Variants in CTHRC1 observed in about 807,000 individuals in gnomAD.
CTHRC1 encodes the protein collagen triple helix repeat containing 1, also known as collagen triple helix repeat-containing protein 1.
A neutral mutation model predicts 25.9 loss-of-function variants in CTHRC1; 21 were observed. The observed-to-expected ratio is 0.81, with a 90% CI of 0.57 to 1.17. The LOEUF (loss-of-function observed/expected upper bound fraction) is 1.17. Among genes scored for constraint, CTHRC1 ranks in the 50% most tolerant of loss-of-function variants. The pLI, the probability that CTHRC1 is intolerant of heterozygous loss-of-function variation, is 0.00. For synonymous variants in CTHRC1, 109 were observed against 113.1 expected (o/e 0.96, Z 0.23); for missense variants, 281 against 304.3 (o/e 0.92, Z 0.57).
rs184733908 is a variant in CTHRC1 at position 103,374,148 on chromosome 8, G to T, written c.151-1590G>T. Among the ~76,000 whole-genome samples, 22 of 151,888 alleles carry T rather than the reference G, an allele frequency of 1.4e-4. No homozygotes were observed. The East Asian group carries it at 4.3e-3, about 29-fold the overall frequency. ...TTCTTCTTACAGTCAGGAAAATGGC[G>T]ATGTCAAAGACTTAAAAAGTCATTT... is the stretch of plus-strand genomic sequence containing the variant. On this transcript the variant is annotated intron_variant, in intron 1 of 3. Transcript: ENST00000330295.
chr8:103,372,518 G>C (rs772449526), intron 1 of CTHRC1: 2 of 1,598,046 alleles, frequency 1.3e-6, no homozygotes, highest in Admixed American at 3.3e-5. Context: ...AACCAAATGG[G>C]CAGTCTGTCA....
At chr8:103,373,003 A>G (rs1486470992) in intron 1 of CTHRC1, among the ~76,000 whole-genome samples, 1 of 152,216 alleles carries the variant, frequency 6.6e-6, no homozygotes, top group Non-Finnish European at 1.5e-5. Context: ...TAGGCTGTGT[A>G]ATTTTGATCC....
In CTHRC1 at chr8:103,380,413, G is replaced by A. The variant is rs539496084; in HGVS notation, c.590-2045G>A. Among the ~76,000 whole-genome samples the A allele has an allele frequency of 3.3e-5, 5 of 152,254 alleles. No individual in the cohort carries two copies. In the South Asian group the frequency reaches 1.0e-3, roughly 32 times the overall value. On this transcript the variant is annotated intron_variant, in intron 3 of 3. Coordinates refer to ENST00000330295, the MANE Select transcript of CTHRC1 (RefSeq NM_138455.4). ...TTATTGTGGATTAAAAGTTACCTCT[G>A]TAACAGAATCACTTTTTCTGACATA...
Position 103,371,713 on chromosome 8 carries a change from C to A in CTHRC1, c.57C>A (p.Leu19=). The change falls in exon 1 of 4, where the codon CTC becomes CTA. Residue 19 remains leucine, a synonymous_variant. Transcript: ENST00000330295. The part of the protein sequence containing the change: ...SPQRLRGLLL[L]LLLQLPAPSS... ...AGCGGCTCCGCGGCCTCCTGCTGCT[C>A]CTGCTGCTGCAGCTGCCCGCGCCGT... is the stretch of plus-strand genomic sequence containing the variant. 1 of 1,536,662 alleles carries A rather than the reference C, an allele frequency of 6.5e-7. No individual in the cohort carries two copies. The highest frequency in any genetic ancestry group is 8.8e-7 in the Non-Finnish European group (1 of 1,142,134).
intron 1 of CTHRC1, 64 bp downstream of exon 1, chr8:103,371,870 A>G (rs999047290): frequency 3.9e-5 from 55 of 1,424,768 alleles, no homozygotes; most frequent in Non-Finnish European, 4.6e-5. Context: ...CGCGCGCCCC[A>G]CGGGCAGGGC....
rs954322578 is a variant in CTHRC1 at position 103,373,929 on chromosome 8, A to G, written c.151-1809A>G. ...TGAAATGTATGTCTAAACATTGTAT[A>G]TATCTGCTTGTGAGAGTGAATTAAA... On this transcript the variant is annotated intron_variant, in intron 1 of 3. Transcript: ENST00000330295. Among the ~76,000 whole-genome samples the G allele has an allele frequency of 3.5e-4, 53 of 152,116 alleles. 1 individual carries two copies. The highest frequency in any genetic ancestry group is 4.4e-5 in the Non-Finnish European group (3 of 68,030).
At chr8:103,378,361 T>TTTTCTA (rs1815846905) in intron 3 of CTHRC1, 118 bp downstream of exon 3, 1 of 779,228 alleles carries the variant, frequency 1.3e-6, no homozygotes, top group Non-Finnish European at 2.2e-6. Context: ...AAGTTTTCAA[T>TTTTCTA]GCATGATTCT....
In CTHRC1 at chr8:103,381,985, G is replaced by A. The variant is rs888029906; in HGVS notation, c.590-473G>A. 8.6e-5 allele frequency among the ~76,000 whole-genome samples: 13 copies of A among 150,614 alleles called. 1 individual carries two copies. In the East Asian group the frequency reaches 1.4e-3, roughly 16 times the overall value. On this transcript the variant is annotated intron_variant, in intron 3 of 3. Coordinates refer to ENST00000330295, the MANE Select transcript of CTHRC1 (RefSeq NM_138455.4). ...TGCACTCCAGCCTGGGTGACAGAGC[G>A]AGATTCCATCTCAAAAAAAAAAAAA...
chr8:103,372,679 T>G (rs767222709), intron 1 of CTHRC1: 1 of 1,592,748 alleles, frequency 6.3e-7, no homozygotes, highest in Non-Finnish European at 8.5e-7. Flanking sequence ...CTTAAAATCC[T>G]TCCCTCTAAA....
At position 103,371,637 on chromosome 8, in the gene CTHRC1, C is replaced by T. The variant is rs778597808; in HGVS notation, c.-20C>T. On this transcript the variant is annotated 5_prime_UTR_variant, in exon 1 of 4. Coordinates refer to ENST00000330295, the MANE Select transcript of CTHRC1 (RefSeq NM_138455.4). ...GGTCTCCTCCGCCTCCAGCTCCGCG[C>T]TGCCCGGCAGCCGGGAGCCATGCGA... The T allele has an allele frequency of 2.7e-5, 41 of 1,530,000 alleles. 2 individuals carry two copies. In the South Asian group the frequency reaches 4.8e-4, roughly 18 times the overall value. 94.8% of individuals were successfully genotyped at this position (1,530,000 alleles called of 1,614,324 possible).
At chr8:103,374,995 C>A (rs1041253461) in intron 1 of CTHRC1, among the ~76,000 whole-genome samples, 2 of 152,158 alleles carry the variant, frequency 1.3e-5, no homozygotes, top group African/African-American at 4.8e-5. Context: ...TCCTTACAGA[C>A]AGTTTGACAG....
At position 103,371,605 on chromosome 8, in the gene CTHRC1, T is replaced by A; in HGVS notation, c.-52T>A. 1 of 1,520,180 alleles carries A rather than the reference T, an allele frequency of 6.6e-7. No homozygotes were observed. Among genetic ancestry groups the A allele is most frequent in the Non-Finnish European group, 8.8e-7 (1 of 1,135,576 alleles). The allele number at this position is 1,520,180 out of a possible 1,614,324, so 94.2% of individuals were successfully genotyped here. On this transcript the variant is annotated 5_prime_UTR_variant, in exon 1 of 4. Transcript: ENST00000330295. ...CGGAGCCAGACGCTGACCACGTTCC[T>A]CTCCTCGGTCTCCTCCGCCTCCAGC...
chr8:103,378,483 T>C (rs1167998489), intron 3 of CTHRC1, among the ~76,000 whole-genome samples: 3 of 152,204 alleles, frequency 2.0e-5, no homozygotes. Flanking sequence ...GACCACAGCT[T>C]CTGTGTTTTT....
At chr8:103,372,165 G>A (rs1166810109) in intron 1 of CTHRC1, among the ~76,000 whole-genome samples, 1 of 152,170 alleles carries the variant, frequency 6.6e-6, no homozygotes, top group Non-Finnish European at 1.5e-5. Flanking sequence ...AGAGTAGGAT[G>A]AGGAGCTTGG....
intron 1 of CTHRC1, chr8:103,372,650 CT>C: frequency 6.3e-7 from 1 of 1,597,890 alleles, no homozygotes; most frequent in East Asian, 2.2e-5. Flanking sequence ...AGGGGCTCAT[CT>C]GTGGGAAGGT....
intron 3 of CTHRC1, among the ~76,000 whole-genome samples, chr8:103,381,740 T>C (rs1815914619): frequency 1.3e-5 from 2 of 152,192 alleles, no homozygotes; most frequent in African/African-American, 2.4e-5. Context: ...GGCTCATGCC[T>C]GTAATCCCAG....
intron 1 of CTHRC1, among the ~76,000 whole-genome samples, chr8:103,372,052 C>T (rs1051578522): frequency 2.0e-5 from 3 of 152,144 alleles, no homozygotes; most frequent in Admixed American, 2.0e-4. Flanking sequence ...AGCGGACATG[C>T]GATATGGGCC....
chr8:103,377,630 G>A (rs1201158884), intron 2 of CTHRC1, among the ~76,000 whole-genome samples: 1 of 152,110 alleles, frequency 6.6e-6, no homozygotes, highest in Non-Finnish European at 1.5e-5. Flanking sequence ...TTGAGACAGA[G>A]TCTCACTTTT....
At chr8:103,378,297 T>A in intron 3 of CTHRC1, 54 bp downstream of exon 3, 1 of 1,430,248 alleles carries the variant, frequency 7.0e-7, no homozygotes. Context: ...TAAGATTAGT[T>A]TTGAGTCCCA....
Sources: gnomAD v4.1 joint callset for allele counts (sites outside exome capture counted in the v4.1 genomes callset) on GRCh38, gnomAD v4.1.1 for gene constraint, MANE v1.5 for transcripts, NCBI Gene and HGNC (gene_info 2026-07-23, HGNC 2026-07-21) for gene names.